NEO1: variants seen among roughly 807,000 people sequenced by gnomAD.
The protein encoded by NEO1 is neogenin.
NEO1 carries 63 observed loss-of-function variants against 159.7 expected under a neutral mutation model. The observed-to-expected ratio is 0.39, with a 90% CI of 0.32 to 0.49. NEO1 has a LOEUF of 0.49. Among genes scored for constraint, NEO1 ranks in the 20% least tolerant of loss-of-function variants. The probability of loss-of-function intolerance (pLI) is 0.85; values close to 1 mark genes in which losing one functional copy is unlikely to be tolerated. For missense variants in NEO1, 1,615 were observed against 1,831.0 expected (o/e 0.88, Z 2.15); for synonymous variants, 633 against 662.0 (o/e 0.96, Z 0.67).
chr15:73,088,782 A>C (rs1014947181), intron 1 of NEO1, among the ~76,000 whole-genome samples: 1 of 152,142 alleles, frequency 6.6e-6, no homozygotes, highest in African/African-American at 2.4e-5. Context: ...GGATGGGGAC[A>C]TTCAAAAGAG....
chr15:73,287,421 C>A (rs1029354876), intron 23 of NEO1, among the ~76,000 whole-genome samples: 1 of 152,172 alleles, frequency 6.6e-6, no homozygotes, highest in African/African-American at 2.4e-5. Flanking sequence ...ATCAAAAATT[C>A]TGAGGGCACA....
At chr15:73,077,980 C>T (rs1041484511) in intron 1 of NEO1, among the ~76,000 whole-genome samples, 2 of 152,006 alleles carry the variant, frequency 1.3e-5, no homozygotes, top group African/African-American at 4.8e-5. Context: ...CGATGGGAAG[C>T]GGGAGAGGAA....
At chr15:73,218,669 C>T (rs1373097017) in intron 7 of NEO1, among the ~76,000 whole-genome samples, 3 of 151,668 alleles carry the variant, frequency 2.0e-5, no homozygotes, top group Non-Finnish European at 4.4e-5. Context: ...GTGTATGTGT[C>T]GAGGAATTTA....
chr15:73,052,017 G>C (rs1456442058), upstream of NEO1: 1 of 152,080 alleles, frequency 6.6e-6, no homozygotes, highest in African/African-American at 2.4e-5. Flanking sequence ...TGTCCCCGAG[G>C]CGAGGAGGAG....
intron 16 of NEO1, 126 bp from the exon 17 acceptor site, chr15:73,269,884 C>G: frequency 1.3e-6 from 1 of 775,436 alleles, no homozygotes; most frequent in Non-Finnish European, 2.1e-6. Flanking sequence ...TCTATTAACT[C>G]TGAATTTTCT....
At chr15:73,274,126 G>A (rs1304066891) in intron 20 of NEO1, 121 bp downstream of exon 20, 7 of 943,306 alleles carry the variant, frequency 7.4e-6, no homozygotes, top group Non-Finnish European at 1.1e-5. Context: ...GAGCTTGTGA[G>A]CCATGATGTG....
In NEO1 at chr15:73,213,983, C is replaced by T. The variant is rs529917449; in HGVS notation, c.1292-22364C>T. ...CATTCTTGCAGGAGTAAGGTGGTAG[C>T]GCATTGTGGTTTTGATTTGCATTTC... On this transcript the variant is annotated intron_variant, in intron 7 of 28. Coordinates refer to ENST00000261908, the MANE Select transcript of NEO1 (RefSeq NM_002499.4). Among the ~76,000 whole-genome samples the T allele has an allele frequency of 7.2e-5, 11 of 152,208 alleles. No individual in the cohort carries two copies. In the East Asian group the frequency reaches 1.4e-3, roughly 19 times the overall value.
At chr15:73,288,787 T>C (rs1211409849) in intron 24 of NEO1, among the ~76,000 whole-genome samples, 1 of 152,152 alleles carries the variant, frequency 6.6e-6, no homozygotes, top group African/African-American at 2.4e-5. Flanking sequence ...CTCATCAGGC[T>C]TCAGCAGCGT....
chr15:73,123,671 T>G (rs566769815), intron 3 of NEO1, among the ~76,000 whole-genome samples: 1 of 152,334 alleles, frequency 6.6e-6, no homozygotes, highest in Non-Finnish European at 1.5e-5. Flanking sequence ...TGCTTACTCA[T>G]AACTTCCTCC....
At chr15:73,126,335 A>G (rs1395479169) in intron 3 of NEO1, 82 bp from the exon 4 acceptor site, 3 of 1,296,204 alleles carry the variant, frequency 2.3e-6, no homozygotes, top group African/African-American at 3.0e-5. Flanking sequence ...CTCCCAAAGT[A>G]TCGGGATTAT....
At chr15:73,235,339 T>G (rs2039113540) in intron 7 of NEO1, among the ~76,000 whole-genome samples, 1 of 152,194 alleles carries the variant, frequency 6.6e-6, no homozygotes, top group South Asian at 2.1e-4. Context: ...AAACTTGTAC[T>G]CTCTAACTCC....
intron 1 of NEO1, among the ~76,000 whole-genome samples, chr15:73,110,807 G>A (rs2070938328): frequency 6.6e-6 from 1 of 152,126 alleles, no homozygotes; most frequent in South Asian, 2.1e-4. Context: ...CTGGGAGTCA[G>A]GTCCCTGGGG....
intron 7 of NEO1, 187 bp from the exon 8 acceptor site, chr15:73,236,160 C>A: frequency 1.3e-6 from 1 of 767,432 alleles, no homozygotes; most frequent in Non-Finnish European, 2.1e-6. Context: ...TTTTTATGTT[C>A]ATTCATTTTA....
At chr15:73,266,060 G>C (rs1395870073) in intron 15 of NEO1, among the ~76,000 whole-genome samples, 1 of 152,086 alleles carries the variant, frequency 6.6e-6, no homozygotes, top group Non-Finnish European at 1.5e-5. Context: ...TAAACCATAG[G>C]AGAGACCAAG....
intron 1 of NEO1, among the ~76,000 whole-genome samples, chr15:73,068,231 C>CCCCCCCCCCG (rs55919404): frequency 2.0e-4 from 24 of 120,546 alleles, no homozygotes; most frequent in East Asian, 8.3e-4. Context: ...CTACCCCCCC[C>CCCCCCCCCCG]CCTTTTTTTT....
intron 8 of NEO1, 25 bp from the exon 9 acceptor site, chr15:73,244,319 C>T (rs769614574): frequency 1.3e-6 from 2 of 1,599,298 alleles, no homozygotes; most frequent in South Asian, 1.1e-5. Flanking sequence ...TTAATGCTAT[C>T]TCTCTCCAAA....
intron 1 of NEO1, among the ~76,000 whole-genome samples, chr15:73,092,270 T>C (rs1336372952): frequency 6.6e-6 from 1 of 152,170 alleles, no homozygotes; most frequent in Non-Finnish European, 1.5e-5. Flanking sequence ...TAGAGGAACC[T>C]AAGTACTACA....
At chr15:73,192,801 T>C (rs2036310131) in intron 7 of NEO1, among the ~76,000 whole-genome samples, 1 of 151,948 alleles carries the variant, frequency 6.6e-6, no homozygotes, top group Admixed American at 6.6e-5. Flanking sequence ...TAAGAAAGTT[T>C]TGCAAGTCTA....
intron 7 of NEO1, among the ~76,000 whole-genome samples, chr15:73,189,917 C>T (rs7169083): frequency 0.35 from 53,289 of 151,964 alleles, 10,127 homozygotes; most frequent in Admixed American, 0.46. Flanking sequence ...TATTTAACTT[C>T]ACTTTTATGC....
Sources: gnomAD v4.1 joint callset for allele counts (sites outside exome capture counted in the v4.1 genomes callset) on GRCh38, gnomAD v4.1.1 for gene constraint, MANE v1.5 for transcripts, NCBI Gene and HGNC (gene_info 2026-07-23, HGNC 2026-07-21) for gene names.